CATSPERE: variants seen among roughly 807,000 people sequenced by gnomAD.
CATSPERE encodes catsper channel auxiliary subunit epsilon.
In CATSPERE, 93 loss-of-function variants were observed where a neutral mutation model predicts 114.1. That is an observed-to-expected ratio of 0.81 (90% confidence interval 0.69 to 0.97). The LOEUF is 0.97. CATSPERE is among the 50% of genes least tolerant of loss of function. The pLI is 0.00. For missense variants in CATSPERE, 1,058 were observed against 1,131.6 expected (o/e 0.93, Z 0.93); for synonymous variants, 341 against 384.1 (o/e 0.89, Z 1.31).
In CATSPERE at chr1:244,572,692, G is replaced by T; in HGVS notation, c.1870G>T (p.Glu624Ter). Residue 624 changes from glutamate (E) to a stop codon, truncating the protein, a stop_gained, in exon 11 of 22, where the codon GAA becomes TAA. Coordinates refer to ENST00000366534, the MANE Select transcript of CATSPERE (RefSeq NM_001130957.2). LOFTEE classifies it high-confidence loss of function. ...AAACACTGGTCTGTATGTTATTGTG[G>T]AATCTTATGGCCCAAAAATATTACA... ...PENTGLYVIV[E>*]SYGPKILQES... The T allele has an allele frequency of 1.2e-6, 2 of 1,613,868 alleles. No individual in the cohort carries two copies. The highest frequency in any genetic ancestry group is 1.7e-6 in the Non-Finnish European group (2 of 1,179,922).
At chr1:244,561,179 G>A (rs777884998) in intron 10 of CATSPERE, 34 bp downstream of exon 10, 6 of 1,372,404 alleles carry the variant, frequency 4.4e-6, no homozygotes, top group African/African-American at 1.4e-5. Context: ...CATTATTCTA[G>A]ATTTCACTAT....
At chr1:244,521,489 A>T (rs1677556982) in intron 8 of CATSPERE, among the ~76,000 whole-genome samples, 1 of 152,204 alleles carries the variant, frequency 6.6e-6, no homozygotes, top group Non-Finnish European at 1.5e-5. Flanking sequence ...TTAATAGCTT[A>T]AAGGAGTAAA....
chr1:244,601,161 A>G (rs928954947), intron 17 of CATSPERE, among the ~76,000 whole-genome samples: 33 of 152,308 alleles, frequency 2.2e-4, no homozygotes, highest in African/African-American at 7.7e-4. Flanking sequence ...TACAAACCAG[A>G]TTAGATATAG....
chr1:244,597,447 A>G (rs1036972295), intron 17 of CATSPERE, among the ~76,000 whole-genome samples: 2 of 151,224 alleles, frequency 1.3e-5, no homozygotes, highest in Non-Finnish European at 2.9e-5. Context: ...TATTTTCTTC[A>G]TCTGGCTTCC....
At chr1:244,597,733 G>A (rs557244711) in intron 17 of CATSPERE, among the ~76,000 whole-genome samples, 2 of 152,218 alleles carry the variant, frequency 1.3e-5, no homozygotes, top group East Asian at 3.9e-4. Flanking sequence ...ACAATCGTAA[G>A]TTAATACTTA....
chr1:244,558,695 C>T (rs1662076067), intron 9 of CATSPERE, among the ~76,000 whole-genome samples: 1 of 152,152 alleles, frequency 6.6e-6, no homozygotes, highest in Non-Finnish European at 1.5e-5. Context: ...TTTACTTTCT[C>T]ATCTGACTCT....
intron 6 of CATSPERE, among the ~76,000 whole-genome samples, chr1:244,490,688 CT>C (rs1671935950): frequency 6.6e-6 from 1 of 152,100 alleles, no homozygotes; most frequent in South Asian, 2.1e-4. Flanking sequence ...CCCCCTTTTA[CT>C]TCTACCGAGA....
At chr1:244,614,802 T>G (rs905308650) in intron 19 of CATSPERE, among the ~76,000 whole-genome samples, 8 of 152,154 alleles carry the variant, frequency 5.3e-5, no homozygotes, top group African/African-American at 1.9e-4. Flanking sequence ...TTTTTTCTTA[T>G]TTTTAAAATT....
intron 14 of CATSPERE, 95 bp from the exon 15 acceptor site, chr1:244,591,586 T>G (rs759460196): frequency 1.5e-6 from 1 of 682,108 alleles, no homozygotes; most frequent in Non-Finnish European, 2.5e-6. Context: ...TCTCTGACAC[T>G]CTCCTGTTTG....
At position 244,610,276 on chromosome 1, in the gene CATSPERE, A is replaced by G. The variant is rs371873881; in HGVS notation, c.2440A>G (p.Met814Val). 5.6e-6 allele frequency: 9 copies of G among 1,613,000 alleles called. No individual in the cohort carries two copies. Among genetic ancestry groups the G allele is most frequent in the Admixed American group, 5.0e-5 (3 of 59,958 alleles). The part of the protein sequence containing the change: ...CLHEAQTWKS[M>V]IELNKHLPLE... Reference sequence around the variant, plus strand: ...ACATGAAGCACAGACATGGAAGTCAATGATTGAACTTAACAAGCACCTCCC... The same window carrying G: ...ACATGAAGCACAGACATGGAAGTCAGTGATTGAACTTAACAAGCACCTCCC... The change falls in exon 19 of 22, where the codon ATG becomes GTG. Residue 814 changes from methionine (M) to valine (V), a missense_variant. By Grantham distance (21) the Met-to-Val change is conservative (BLOSUM62 1). Around this residue, in one of 2 missense-constraint regions of CATSPERE, gnomAD observed 787 missense variants for 905.6 expected, o/e 0.87. Transcript: ENST00000366534.
intron 6 of CATSPERE, among the ~76,000 whole-genome samples, chr1:244,495,939 A>G (rs915283593): frequency 3.3e-5 from 5 of 152,318 alleles, no homozygotes; most frequent in East Asian, 3.9e-4. Flanking sequence ...TACAAATACA[A>G]CTTTGCAAGC....
At chr1:244,538,101 T>C (rs115759548) in intron 8 of CATSPERE, among the ~76,000 whole-genome samples, 236 of 152,280 alleles carry the variant, frequency 1.5e-3, no homozygotes, top group African/African-American at 5.6e-3. Flanking sequence ...GGTGGGAGTA[T>C]TGCTTGAGCC....
chr1:244,593,190 A>G (rs533442355), intron 15 of CATSPERE, among the ~76,000 whole-genome samples: 8 of 152,236 alleles, frequency 5.3e-5, no homozygotes, highest in Non-Finnish European at 8.8e-5. Flanking sequence ...TACCAGATCT[A>G]CAAAGAGAGG....
At chr1:244,560,574 AAT>A in intron 9 of CATSPERE, 92 bp from the exon 10 acceptor site, 2 of 716,230 alleles carry the variant, frequency 2.8e-6, no homozygotes, top group Non-Finnish European at 4.1e-6. Flanking sequence ...AATTTAAAAA[AAT>A]AAAAAATAAA....
At chr1:244,596,063 G>A (rs1668377523) in intron 17 of CATSPERE, among the ~76,000 whole-genome samples, 1 of 152,238 alleles carries the variant, frequency 6.6e-6, no homozygotes, top group Non-Finnish European at 1.5e-5. Context: ...TGAGGTAGGA[G>A]ATCAGCAGGA....
intron 10 of CATSPERE, among the ~76,000 whole-genome samples, chr1:244,569,633 ATAT>A (rs1664149447): frequency 6.6e-6 from 1 of 152,118 alleles, no homozygotes; most frequent in Non-Finnish European, 1.5e-5. Context: ...AATTATAAAG[ATAT>A]TATATATTTT....
At chr1:244,505,397 G>C (rs950854553) in intron 7 of CATSPERE, among the ~76,000 whole-genome samples, 5 of 152,134 alleles carry the variant, frequency 3.3e-5, no homozygotes, top group African/African-American at 2.4e-5. Flanking sequence ...TCTCTCAGCT[G>C]TCAGAGCAAG....
chr1:244,543,755 A>G lies in CATSPERE; in HGVS notation c.537-8567A>G, dbSNP rs114904645. Among the ~76,000 whole-genome samples the G allele has an allele frequency of 4.7e-3, 719 of 151,680 alleles. 6 individuals are homozygous for G. The highest frequency in any genetic ancestry group is 0.017 in the African/African-American group (687 of 41,440). ...CTCCTCCCTAAATATGGAAATATATATCCTCTTGACAAGATAAGAGAGGAT... is the reference window on the plus strand; with the variant it reads ...CTCCTCCCTAAATATGGAAATATATGTCCTCTTGACAAGATAAGAGAGGAT... On this transcript the variant is annotated intron_variant, in intron 8 of 21. Transcript: ENST00000366534.
At chr1:244,522,561 G>A (rs534571539) in intron 8 of CATSPERE, among the ~76,000 whole-genome samples, 2 of 152,042 alleles carry the variant, frequency 1.3e-5, no homozygotes, top group Admixed American at 6.6e-5. Flanking sequence ...TTTTTTGAAA[G>A]GATCAACAAA....
Sources: gnomAD v4.1 joint callset for allele counts (sites outside exome capture counted in the v4.1 genomes callset) on GRCh38, gnomAD v4.1.1 for gene constraint, gnomAD v4.1.1 regional missense constraint, MANE v1.5 for transcripts, NCBI Gene and HGNC (gene_info 2026-07-23, HGNC 2026-07-21) for gene names.